ITSN1: variants seen among roughly 807,000 people sequenced by gnomAD.
ITSN1 encodes the protein intersectin 1.
A neutral mutation model predicts 239.8 loss-of-function variants in ITSN1; 58 were observed. The ratio of observed to expected loss-of-function variants is 0.24; its 90% CI spans 0.20 to 0.30. ITSN1 has a LOEUF of 0.30. Among genes scored for constraint, ITSN1 ranks in the 10% least tolerant of loss-of-function variants. ITSN1 has a pLI of 1.00. For synonymous variants in ITSN1, 780 were observed against 770.8 expected, an observed-to-expected ratio of 1.01 and a Z score of -0.20; for missense variants, 1,558 against 2,103.3, an observed-to-expected ratio of 0.74 and a Z score of 5.07.
chr21:33,664,600 A>G (rs1338597975), intron 1 of ITSN1, among the ~76,000 whole-genome samples: 1 of 152,206 alleles, frequency 6.6e-6, no homozygotes, highest in Non-Finnish European at 1.5e-5. Flanking sequence ...TGTAACCATA[A>G]GCAAGCTATT....
In ITSN1 at chr21:33,655,583, A is replaced by ATTT. The variant is rs756792867; in HGVS notation, c.-33+12888_-33+12890dup. 7.1e-3 allele frequency among the ~76,000 whole-genome samples: 889 copies of ATTT among 125,950 alleles called. 10 individuals carry two copies. Among genetic ancestry groups the ATTT allele is most frequent in the East Asian group, 0.044 (189 of 4,312 alleles). The allele number at this position is 125,950 out of a possible 152,430, so 82.6% of individuals were successfully genotyped here. A position where few individuals can be genotyped will look rare whatever the true frequency, so the allele number is the denominator to read the frequency against. Reference sequence around the variant, plus strand: ...TTACAGGCACCACCATGCCTGGCTAATTTTTTTTTTTTTTTTTTTTGGTAT... The same window carrying ATTT: ...TTACAGGCACCACCATGCCTGGCTAATTTTTTTTTTTTTTTTTTTTTTTGGTAT... On this transcript the variant is annotated intron_variant, in intron 1 of 39. Coordinates refer to ENST00000381318, the MANE Select transcript of ITSN1 (RefSeq NM_003024.3).
intron 1 of ITSN1, among the ~76,000 whole-genome samples, chr21:33,648,308 G>T (rs2088168166): frequency 6.6e-6 from 1 of 152,196 alleles, no homozygotes; most frequent in African/African-American, 2.4e-5. Context: ...TCTTACAGAT[G>T]CCTTGGAAAC....
Position 33,842,068 on chromosome 21 carries a change from T to A in ITSN1, c.3661+5436T>A, listed in dbSNP as rs535812100. 1.5e-3 allele frequency among the ~76,000 whole-genome samples: 225 copies of A among 152,080 alleles called. 2 individuals carry two copies. The highest frequency in any genetic ancestry group is 1.8e-4 in the Non-Finnish European group (12 of 67,990). On this transcript the variant is annotated intron_variant, in intron 29 of 39. Coordinates refer to ENST00000381318, the MANE Select transcript of ITSN1 (RefSeq NM_003024.3). ...GGTGCCCGCCACCATGCCTCGCTAA[T>A]TTTTTTGTACTAGAGATGGGGTTTC...
In ITSN1 at chr21:33,858,723, C is replaced by A; in HGVS notation, c.3821C>A (p.Thr1274Lys). The change falls in exon 31 of 40, where the codon ACA (threonine) becomes AAA (lysine). Residue 1274 changes from threonine (T) to lysine (K), a missense_variant. Thr to Lys is a moderately conservative substitution (Grantham distance 78, BLOSUM62 -1). Coordinates refer to ENST00000381318, the MANE Select transcript of ITSN1 (RefSeq NM_003024.3). ...QKPLMESELL[T>K]EKEVAMIFVN... ...CCCCTGATGGAGTCTGAGCTGCTGA[C>A]AGAAAAAGAGGTTGCTATGATTTTT... is the stretch of plus-strand genomic sequence containing the variant. 6.2e-7 allele frequency: 1 copy of A among 1,613,770 alleles called. No homozygotes were observed. Among genetic ancestry groups the A allele is most frequent in the Non-Finnish European group, 8.5e-7 (1 of 1,179,776 alleles).
At position 33,797,687 on chromosome 21, in the gene ITSN1, C is replaced by T. The variant is rs1160718117; in HGVS notation, c.2182+79C>T. The T allele has an allele frequency of 3.0e-5, 32 of 1,073,614 alleles. No individual in the cohort carries two copies. Among genetic ancestry groups the T allele is most frequent in the Non-Finnish European group, 4.4e-5 (32 of 721,934 alleles). 66.5% of individuals were successfully genotyped at this position (1,073,614 alleles called of 1,614,324 possible). ...CTCCTGAAAAATGCCCCTATCTCAT[C>T]AGTACCTGTCTTGGCTACATTAACA... On this transcript the variant is annotated intron_variant, in intron 18 of 39. Transcript: ENST00000381318. The surrounding 1 kb of genome is among the most constrained non-coding windows in gnomAD (Gnocchi z 4.9).
intron 16 of ITSN1, among the ~76,000 whole-genome samples, chr21:33,792,513 A>G (rs1203858941): frequency 6.6e-6 from 1 of 152,208 alleles, no homozygotes; most frequent in Non-Finnish European, 1.5e-5. Context: ...TTTCATTCAT[A>G]TTATTACTGA....
chr21:33,873,927 G>A (rs191012783), intron 33 of ITSN1, among the ~76,000 whole-genome samples: 2,260 of 151,904 alleles, frequency 0.015, 63 homozygotes, highest in African/African-American at 0.052. Context: ...TTGGGAGGCC[G>A]AGGCAGGCAG....
intron 29 of ITSN1, 115 bp from the exon 30 acceptor site, chr21:33,856,621 C>G: frequency 6.9e-7 from 1 of 1,457,198 alleles, no homozygotes; most frequent in Non-Finnish European, 9.5e-7. Context: ...CAGCCCATGA[C>G]CCCACTGGAC....
chr21:33,878,008 T>TTGTGTGTGTGTGTGTG (rs71194867), intron 34 of ITSN1, among the ~76,000 whole-genome samples: 4 of 140,228 alleles, frequency 2.9e-5, no homozygotes, highest in South Asian at 4.9e-4. Flanking sequence ...CTCTCTCTCT[T>TTGTGTGTGTGTGTGTG]TGTGTGTGTG....
rs778870267 is a variant in ITSN1 at position 33,896,546 on chromosome 21, G to T, written c.*8246G>T. 11 of 152,292 alleles carry T rather than the reference G, an allele frequency of 7.2e-5. No individual in the cohort carries two copies. Among genetic ancestry groups the T allele is most frequent in the Non-Finnish European group, 1.5e-4 (10 of 68,092 alleles). The allele number at this position is 152,292 out of a possible 1,614,324, so 9.4% of individuals were successfully genotyped here. ...CCAGCTGGGCCACACGATCTGGTCT[G>T]CGGGTGTCTGGGAGGAACCTGCTTC... On this transcript the variant is annotated 3_prime_UTR_variant, in exon 40 of 40. Coordinates refer to ENST00000381318, the MANE Select transcript of ITSN1 (RefSeq NM_003024.3).
At chr21:33,667,737 G>A (rs749537216) in intron 1 of ITSN1, among the ~76,000 whole-genome samples, 19 of 152,174 alleles carry the variant, frequency 1.2e-4, no homozygotes, top group Non-Finnish European at 2.4e-4. Context: ...GATCCATGAA[G>A]TCTGTTTCCT....
intron 8 of ITSN1, among the ~76,000 whole-genome samples, chr21:33,761,415 T>C (rs536450692): frequency 6.6e-6 from 1 of 152,214 alleles, no homozygotes; most frequent in South Asian, 2.1e-4. Context: ...AACTTTTTTT[T>C]TTTTTCTTTT....
In ITSN1 at chr21:33,816,709, A is replaced by C. The variant is rs980662390; in HGVS notation, c.2728-1558A>C. Among the ~76,000 whole-genome samples, 29 of 152,304 alleles carry C rather than the reference A, an allele frequency of 1.9e-4. No individual in the cohort carries two copies. The Middle Eastern group carries it at 0.01, about 54-fold the overall frequency. The stretch of plus-strand genomic sequence containing the variant: ...GGTCCATACGTAGAGAAATCAGTGA[A>C]GTGGCGGAGAGGATTAGACAGTGCA... On this transcript the variant is annotated intron_variant, in intron 22 of 39. Coordinates refer to ENST00000381318, the MANE Select transcript of ITSN1 (RefSeq NM_003024.3).
At chr21:33,727,341 G>A (rs1601864794) in intron 4 of ITSN1, among the ~76,000 whole-genome samples, 2 of 152,184 alleles carry the variant, frequency 1.3e-5, no homozygotes, top group African/African-American at 2.4e-5. Flanking sequence ...GAAGAGGCTG[G>A]ATGAGGGCTC....
intron 31 of ITSN1, among the ~76,000 whole-genome samples, chr21:33,864,388 G>T (rs564963305): frequency 6.6e-6 from 1 of 152,250 alleles, no homozygotes; most frequent in Admixed American, 6.5e-5. Context: ...CCAGATGCTG[G>T]TGTTAAGGGT....
chr21:33,865,421 C>G lies in ITSN1; in HGVS notation c.4074+87C>G. ...TGTGAGGGGCTAATTCAAAAGTCTG[C>G]AAGAGTGTTCCCACTAGAGGCCAAC... On this transcript the variant is annotated intron_variant, in intron 32 of 39. Transcript: ENST00000381318. The surrounding 1 kb of genome is among the most constrained non-coding windows in gnomAD (Gnocchi z 4.4). The G allele has an allele frequency of 8.8e-7, 1 of 1,142,040 alleles. No homozygotes were observed. Among genetic ancestry groups the G allele is most frequent in the South Asian group, 1.7e-5 (1 of 59,790 alleles). 70.7% of individuals were successfully genotyped at this position (1,142,040 alleles called of 1,614,324 possible). A position where few individuals can be genotyped will look rare whatever the true frequency, so the allele number is the denominator to read the frequency against.
chr21:33,887,173 G>C (rs2148572722), intron 39 of ITSN1, among the ~76,000 whole-genome samples: 1 of 151,990 alleles, frequency 6.6e-6, no homozygotes, highest in South Asian at 2.1e-4. Flanking sequence ...ACAAAACTTA[G>C]CCAGGCATGG....
At chr21:33,851,392 CTTTTCTTTT>C (rs1275287103) in intron 29 of ITSN1, among the ~76,000 whole-genome samples, 1 of 151,820 alleles carries the variant, frequency 6.6e-6, no homozygotes, top group African/African-American at 2.4e-5. Flanking sequence ...GCTCTTTTTT[CTTTTCTTTT>C]TTTTCTTTTT....
intron 1 of ITSN1, among the ~76,000 whole-genome samples, chr21:33,677,198 G>C (rs2090646625): frequency 6.6e-6 from 1 of 152,046 alleles, no homozygotes; most frequent in African/African-American, 2.4e-5. Flanking sequence ...GTCAGGAGAG[G>C]GGAGAACTGA....
Sources: gnomAD v4.1 joint callset for allele counts (sites outside exome capture counted in the v4.1 genomes callset) on GRCh38, gnomAD v4.1.1 for gene constraint, Gnocchi (gnomAD v3.1) non-coding constraint, MANE v1.5 for transcripts, NCBI Gene and HGNC (gene_info 2026-07-23, HGNC 2026-07-21) for gene names.